The following PC variants were observed in gnomAD, a reference collection of about 807,000 sequenced individuals.
PC encodes the protein pyruvate carboxylase.
Under a neutral mutation model 107.8 loss-of-function variants are expected in PC, and 46 were observed. The ratio of observed to expected loss-of-function variants is 0.43; its 90% CI spans 0.34 to 0.55. The LOEUF (loss-of-function observed/expected upper bound fraction) is 0.55. Ranked by LOEUF, PC falls within the 20% of genes least tolerant of loss-of-function variation. The pLI is 0.04. For synonymous variants in PC, 662 were observed against 684.7 expected (o/e 0.97, Z 0.52); for missense variants, 1,241 against 1,643.1 (o/e 0.76, Z 4.23).
chr11:66,862,094 C>T (rs948663364), intron 12 of PC, among the ~76,000 whole-genome samples: 11 of 152,136 alleles, frequency 7.2e-5, no homozygotes, highest in Non-Finnish European at 1.5e-4. Flanking sequence ...TGCATGGCCA[C>T]GCATCCCCTC....
chr11:66,859,236 C>T (rs1310885222), intron 12 of PC: 17 of 1,185,704 alleles, frequency 1.4e-5, no homozygotes, highest in Non-Finnish European at 1.9e-5. Flanking sequence ...CTTGGAGGAG[C>T]AGTGGCCTGG....
chr11:66,951,461 TA>T (rs1035792645), intron 3 of PC, among the ~76,000 whole-genome samples: 1 of 151,944 alleles, frequency 6.6e-6, no homozygotes, highest in Non-Finnish European at 1.5e-5. Context: ...GGGGGAACTG[TA>T]AAAGCAGTAG....
intron 3 of PC, among the ~76,000 whole-genome samples, chr11:66,949,947 C>T (rs1051234779): frequency 3.3e-5 from 5 of 152,126 alleles, no homozygotes; most frequent in Admixed American, 1.3e-4. Context: ...ACCAGTCACC[C>T]GAAACTCACC....
chr11:66,870,597 C>G lies in PC; in HGVS notation c.752-144G>C. On this transcript the variant is annotated intron_variant, in intron 8 of 22. Coordinates refer to ENST00000393960, the MANE Select transcript of PC (RefSeq NM_001040716.2). This position sits in a 1 kb window ranked among gnomAD's most constrained non-coding sequence, Gnocchi z 6.1. ...CTGCCAGGAGAGACACCAGCATCACCAAGGCTGTGAGGACCAACTGCCAGC... is the reference window on the plus strand; with the variant it reads ...CTGCCAGGAGAGACACCAGCATCACGAAGGCTGTGAGGACCAACTGCCAGC... 6 of 1,171,410 alleles carry G rather than the reference C, an allele frequency of 5.1e-6. 1 individual carries two copies. In the South Asian group the frequency reaches 6.3e-5, roughly 12 times the overall value. 72.6% of individuals were successfully genotyped at this position (1,171,410 alleles called of 1,614,324 possible).
In PC at chr11:66,870,360, T is replaced by C. The variant is rs1591186253; in HGVS notation, c.845A>G (p.His282Arg). 3 of 1,613,550 alleles carry C rather than the reference T, an allele frequency of 1.9e-6. No homozygotes were observed. The highest frequency in any genetic ancestry group is 2.2e-5 in the South Asian group (2 of 91,080). ...CCGAGTCCGAAGCTGCGGGTCCAGG[T>C]GGGCGGCGGGGGCAATCTCGACCAC... is the stretch of plus-strand genomic sequence containing the variant. ...QKVVEIAPAA[H>R]LDPQLRTRLT... The change falls in exon 9 of 23, where the codon CAC (histidine) becomes CGC (arginine). Residue 282 changes from histidine (H) to arginine (R), a missense_variant. Coordinates refer to ENST00000393960, the MANE Select transcript of PC (RefSeq NM_001040716.2). This position sits in a 1 kb window ranked among gnomAD's most constrained non-coding sequence, Gnocchi z 6.1.
chr11:66,949,232 T>C (rs910517878), intron 3 of PC, among the ~76,000 whole-genome samples: 9 of 151,508 alleles, frequency 5.9e-5, no homozygotes, highest in Admixed American at 4.6e-4. Flanking sequence ...GACCTCGTGA[T>C]CTGCCCGCCT....
intron 3 of PC, among the ~76,000 whole-genome samples, chr11:66,920,407 T>C (rs1364455256): frequency 6.6e-6 from 1 of 151,862 alleles, no homozygotes; most frequent in African/African-American, 2.4e-5. Flanking sequence ...AAACTTAAAT[T>C]CACCTTTGGA....
At chr11:66,942,031 G>A (rs1591309532) in intron 3 of PC, among the ~76,000 whole-genome samples, 1 of 151,868 alleles carries the variant, frequency 6.6e-6, no homozygotes, top group East Asian at 2.0e-4. Flanking sequence ...GAACTCGGGA[G>A]GCAGAGGTTG....
chr11:66,917,868 T>C (rs1424142070), intron 3 of PC, among the ~76,000 whole-genome samples: 1 of 152,164 alleles, frequency 6.6e-6, no homozygotes, highest in Non-Finnish European at 1.5e-5. Context: ...TGGGGTGAGC[T>C]GCAGGGAAAG....
intron 3 of PC, among the ~76,000 whole-genome samples, chr11:66,931,098 G>T (rs1287324664): frequency 2.0e-5 from 3 of 152,172 alleles, no homozygotes; most frequent in Non-Finnish European, 4.4e-5. Flanking sequence ...TAGCTGGGGT[G>T]CCAGGTGTGG....
In PC at chr11:66,852,601, G is replaced by A. The variant is rs766242199; in HGVS notation, c.1663C>T (p.Arg555Ter). 3 of 1,614,014 alleles carry A rather than the reference G, an allele frequency of 1.9e-6. No homozygotes were observed. Among genetic ancestry groups the A allele is most frequent in the South Asian group, 1.1e-5 (1 of 91,084 alleles). Reference sequence around the variant, plus strand: ...AGCCCCGGGTGGTTCCGCACAGCTCGAGCAAAGCCCTCAGGCCCCTCTCGC... The same window carrying A: ...AGCCCCGGGTGGTTCCGCACAGCTCAAGCAAAGCCCTCAGGCCCCTCTCGC... Reference protein sequence around the residue: ...LLREGPEGFARAVRNHPGLLL... With the variant: ...LLREGPEGFA Residue 555 changes from arginine to a stop codon, truncating the protein, a stop_gained, in exon 15 of 23, where the codon CGA becomes TGA. Coordinates refer to ENST00000393960, the MANE Select transcript of PC (RefSeq NM_001040716.2). LOFTEE classifies it high-confidence loss of function. This position sits in a 1 kb window ranked among gnomAD's most constrained non-coding sequence, Gnocchi z 4.7.
At chr11:66,863,680 G>A in intron 12 of PC, 94 bp downstream of exon 12, 1 of 1,335,932 alleles carries the variant, frequency 7.5e-7, no homozygotes, top group Non-Finnish European at 1.0e-6. Context: ...AGGCTGAGGT[G>A]AAGCCATGTG....
chr11:66,868,512 G>C (rs1946592525), intron 10 of PC, among the ~76,000 whole-genome samples: 1 of 152,216 alleles, frequency 6.6e-6, no homozygotes, highest in Non-Finnish European at 1.5e-5. Flanking sequence ...TCCAGCGCCA[G>C]CTGTGTGACC....
chr11:66,950,684 G>C (rs1405452864), intron 3 of PC, among the ~76,000 whole-genome samples: 1 of 152,080 alleles, frequency 6.6e-6, no homozygotes, highest in Non-Finnish European at 1.5e-5. Context: ...CTTGGTGACT[G>C]ATTTTCCCTC....
Position 66,852,783 on chromosome 11 carries a change from TG to T in PC, c.1566del (p.Ser523AlafsTer12). 6.2e-7 allele frequency: 1 copy of T among 1,601,382 alleles called. No homozygotes were observed. Among genetic ancestry groups the T allele is most frequent in the Non-Finnish European group, 8.5e-7 (1 of 1,171,278 alleles). On this transcript the variant is annotated frameshift_variant, in exon 14 of 23. Transcript: ENST00000393960. LOFTEE classifies it high-confidence loss of function. The surrounding 1 kb of genome is among the most constrained non-coding windows in gnomAD (Gnocchi z 4.7). ...PTTPIPVKAS[P>X]SPTDPVVPAV... Reference sequence around the variant, plus strand: ...GCAGGGACAACGGGGTCCGTGGGGCTGGGGCTGGCCTTGACGGGAATCGGGG... The same window carrying T: ...GCAGGGACAACGGGGTCCGTGGGGCTGGGCTGGCCTTGACGGGAATCGGGG...
chr11:66,858,423 C>T lies in PC; in HGVS notation c.1369-5040G>A, dbSNP rs746326458. 1.5e-5 allele frequency: 24 copies of T among 1,555,106 alleles called. No individual in the cohort carries two copies. The highest frequency in any genetic ancestry group is 1.9e-5 in the Non-Finnish European group (22 of 1,156,446). ...TGATGCAGAGGCCTCTCCCGCCCCC[C>T]TGGTGCTGAGCTTTAGCGGGAACCC... On this transcript the variant is annotated intron_variant, in intron 12 of 22. Transcript: ENST00000393960. The surrounding 1 kb of genome is among the most constrained non-coding windows in gnomAD (Gnocchi z 5.9).
chr11:66,866,119 G>T lies in PC; in HGVS notation c.1185+68C>A. 1 of 1,550,142 alleles carries T rather than the reference G, an allele frequency of 6.5e-7. No individual in the cohort carries two copies. Among genetic ancestry groups the T allele is most frequent in the Non-Finnish European group, 8.8e-7 (1 of 1,142,464 alleles). ...CGGGCTGTGGCAACTTGGCACTGCA[G>T]CCCCAGGCACCAGGCAGAACCTGTG... On this transcript the variant is annotated intron_variant, in intron 11 of 22. Transcript: ENST00000393960. This position sits in a 1 kb window ranked among gnomAD's most constrained non-coding sequence, Gnocchi z 5.4.
In PC at chr11:66,858,159, G is replaced by T. The variant is rs773158268; in HGVS notation, c.1369-4776C>A. 2 of 1,610,904 alleles carry T rather than the reference G, an allele frequency of 1.2e-6. No individual in the cohort carries two copies. The highest frequency in any genetic ancestry group is 1.7e-6 in the Non-Finnish European group (2 of 1,178,898). Reference sequence around the variant, plus strand: ...CCAGCTGGGCCGCATCGCGCCGGGAGCCTTCGACGACTTCCTAGAGAGCCT... The same window carrying T: ...CCAGCTGGGCCGCATCGCGCCGGGATCCTTCGACGACTTCCTAGAGAGCCT... On this transcript the variant is annotated intron_variant, in intron 12 of 22. Transcript: ENST00000393960. This position sits in a 1 kb window ranked among gnomAD's most constrained non-coding sequence, Gnocchi z 5.9.
At chr11:66,900,534 T>A (rs542011376) in intron 3 of PC, among the ~76,000 whole-genome samples, 1 of 152,272 alleles carries the variant, frequency 6.6e-6, no homozygotes, top group South Asian at 2.1e-4. Context: ...AGGATCATCT[T>A]GTCAATTTCC....
Sources: gnomAD v4.1 joint callset for allele counts (sites outside exome capture counted in the v4.1 genomes callset) on GRCh38, gnomAD v4.1.1 for gene constraint, Gnocchi (gnomAD v3.1) non-coding constraint, MANE v1.5 for transcripts, NCBI Gene and HGNC (gene_info 2026-07-23, HGNC 2026-07-21) for gene names.